The following MICU1 variants were observed in gnomAD, a reference collection of about 807,000 sequenced individuals.
MICU1 encodes mitochondrial calcium uptake 1, also known as calcium uptake protein 1, mitochondrial.
In MICU1, 45 loss-of-function variants were observed where a neutral mutation model predicts 56.8. The ratio of observed to expected loss-of-function variants is 0.79; its 90% CI spans 0.62 to 1.02. The LOEUF (loss-of-function observed/expected upper bound fraction) is 1.02. Ranked by LOEUF, MICU1 falls within the 50% of genes least tolerant of loss-of-function variation. The pLI is 0.00. For missense variants in MICU1, 504 were observed against 587.1 expected (o/e 0.86, Z 1.46); for synonymous variants, 186 against 195.1 (o/e 0.95, Z 0.39).
At chr10:72,492,789 GAATAAAATAAAATAA>G (rs71018299) in intron 6 of MICU1, among the ~76,000 whole-genome samples, 5 of 135,224 alleles carry the variant, frequency 3.7e-5, no homozygotes, top group Admixed American at 1.5e-4. Context: ...AAATAGAATA[GAATAAAATAAAATAA>G]AATAAAATAA....
At chr10:72,569,237 ATTTTT>A (rs1178823534) in intron 1 of MICU1, among the ~76,000 whole-genome samples, 1 of 34,392 alleles carries the variant, frequency 2.9e-5, no homozygotes, top group African/African-American at 1.1e-4. Flanking sequence ...ATATATATAT[ATTTTT>A]TTTTTTTTTT....
chr10:72,421,016 A>AAC (rs780940697), intron 9 of MICU1, among the ~76,000 whole-genome samples: 1 of 124,138 alleles, frequency 8.1e-6, no homozygotes, highest in Non-Finnish European at 1.7e-5. Context: ...AAAAAAAAAA[A>AAC]AATAATAATA....
intron 1 of MICU1, among the ~76,000 whole-genome samples, chr10:72,603,816 A>C (rs528423281): frequency 5.5e-4 from 84 of 152,194 alleles, no homozygotes; most frequent in South Asian, 3.9e-3. Context: ...AAAACAAAAC[A>C]AAACAAACAA....
At chr10:72,458,228 A>C (rs985865479) in intron 8 of MICU1, among the ~76,000 whole-genome samples, 9 of 152,092 alleles carry the variant, frequency 5.9e-5, no homozygotes, top group African/African-American at 2.2e-4. Flanking sequence ...ATAGCATAAT[A>C]ATATTAATAA....
rs1462437498 is a variant in MICU1 at position 72,423,313 on chromosome 10, A to G, written c.992T>C (p.Leu331Pro). ...RITERQFGGM[L>P]LAYSGVQSKK... ...GGACTGCACCCCACTGTAGGCAAGTAGCATGCCACCAAACTGCCTCTCAGT... is the reference window on the plus strand; with the variant it reads ...GGACTGCACCCCACTGTAGGCAAGTGGCATGCCACCAAACTGCCTCTCAGT... The change falls in exon 9 of 12, where the codon CTA becomes CCA. Residue 331 changes from leucine to proline, a missense_variant. Physicochemically the swap from Leu to Pro is moderately conservative, Grantham distance 98. Transcript: ENST00000361114. 1.9e-6 allele frequency: 3 copies of G among 1,613,884 alleles called. No individual in the cohort carries two copies. Among genetic ancestry groups the G allele is most frequent in the Non-Finnish European group, 2.5e-6 (3 of 1,179,882 alleles).
chr10:72,481,201 A>C (rs545956938), intron 6 of MICU1, among the ~76,000 whole-genome samples: 2 of 152,218 alleles, frequency 1.3e-5, no homozygotes, highest in Non-Finnish European at 2.9e-5. Context: ...ACAAGCCAAA[A>C]ACAAGCTTGC....
intron 1 of MICU1, 47 bp from the exon 2 acceptor site, chr10:72,566,841 G>T (rs750775303): frequency 4.4e-6 from 5 of 1,129,130 alleles, no homozygotes; most frequent in Non-Finnish European, 4.9e-6. Context: ...TGGTAGTTAT[G>T]ATGATGATGA....
At chr10:72,400,466 C>A (rs539058145) in intron 10 of MICU1, among the ~76,000 whole-genome samples, 1 of 152,110 alleles carries the variant, frequency 6.6e-6, no homozygotes, top group Non-Finnish European at 1.5e-5. Flanking sequence ...TGATGACTGG[C>A]CGGGCGTGGT....
chr10:72,410,875 G>A (rs1863786218), intron 9 of MICU1, among the ~76,000 whole-genome samples: 2 of 152,170 alleles, frequency 1.3e-5, no homozygotes, highest in Non-Finnish European at 2.9e-5. Flanking sequence ...AGAAGTACAG[G>A]TTGTACAATA....
chr10:72,588,847 G>A (rs1189439166), intron 1 of MICU1, among the ~76,000 whole-genome samples: 1 of 152,148 alleles, frequency 6.6e-6, no homozygotes, highest in Non-Finnish European at 1.5e-5. Flanking sequence ...CTCCCCTTGG[G>A]GGAAAAATCA....
At chr10:72,459,200 G>A (rs368443424) in intron 8 of MICU1, among the ~76,000 whole-genome samples, 44 of 151,952 alleles carry the variant, frequency 2.9e-4, no homozygotes, top group Non-Finnish European at 5.4e-4. Flanking sequence ...GTGTGGTGGC[G>A]CATGTCTATA....
intron 10 of MICU1, among the ~76,000 whole-genome samples, chr10:72,402,539 T>G (rs116590967): frequency 6.6e-6 from 1 of 151,766 alleles, no homozygotes; most frequent in Admixed American, 6.6e-5. Context: ...GTCTTCAAAC[T>G]TGGCCCAAAT....
chr10:72,481,552 C>A (rs1866296426), intron 6 of MICU1, among the ~76,000 whole-genome samples: 1 of 152,072 alleles, frequency 6.6e-6, no homozygotes, highest in Non-Finnish European at 1.5e-5. Context: ...GCTGGGATTA[C>A]AGGAGCACAC....
intron 10 of MICU1, among the ~76,000 whole-genome samples, chr10:72,382,189 C>T (rs1862734432): frequency 6.6e-6 from 1 of 151,652 alleles, no homozygotes; most frequent in Admixed American, 6.6e-5. Context: ...CGGCTCATTG[C>T]AACCTCGCCT....
intron 10 of MICU1, among the ~76,000 whole-genome samples, chr10:72,379,937 G>A (rs970433467): frequency 1.3e-5 from 2 of 152,130 alleles, no homozygotes; most frequent in Non-Finnish European, 2.9e-5. Context: ...AATCAGAGTC[G>A]TGCAGGAAGC....
chr10:72,368,187 G>C lies in MICU1; in HGVS notation c.*8C>G. ...GGGGGTGGAGGGGTCCCCTCTTGCA[G>C]TGTGGGGTTACTGTTTGGGTAAAGC... On this transcript the variant is annotated 3_prime_UTR_variant, in exon 12 of 12. Coordinates refer to ENST00000361114, the MANE Select transcript of MICU1 (RefSeq NM_001195518.2). 1 of 1,609,596 alleles carries C rather than the reference G, an allele frequency of 6.2e-7. No homozygotes were observed. The highest frequency in any genetic ancestry group is 8.5e-7 in the Non-Finnish European group (1 of 1,177,502).
chr10:72,497,338 G>A (rs191013299), intron 6 of MICU1, among the ~76,000 whole-genome samples: 15 of 152,296 alleles, frequency 9.8e-5, no homozygotes, highest in Non-Finnish European at 2.1e-4. Context: ...GATTACAGGT[G>A]TGAGCCACCA....
chr10:72,539,028 C>G (rs1170026908), intron 4 of MICU1, among the ~76,000 whole-genome samples: 1 of 151,946 alleles, frequency 6.6e-6, no homozygotes, highest in Non-Finnish European at 1.5e-5. Flanking sequence ...GGAGTCAATT[C>G]ATTAAGAAGA....
intron 10 of MICU1, among the ~76,000 whole-genome samples, chr10:72,390,638 C>CT (rs1475963546): frequency 2.0e-5 from 3 of 152,306 alleles, no homozygotes; most frequent in Admixed American, 1.3e-4. Context: ...GTGCCAGGGC[C>CT]TAGAAGGTGC....
Sources: allele counts gnomAD v4.1 joint callset (sites outside exome capture counted in the v4.1 genomes callset), GRCh38; gene constraint gnomAD v4.1.1; transcripts MANE v1.5; gene names NCBI Gene and HGNC (gene_info 2026-07-23, HGNC 2026-07-21).